Variants in FOXN3 observed in about 807,000 individuals in gnomAD.
FOXN3 encodes the protein forkhead box N3.
FOXN3 carries 7 observed loss-of-function variants against 38.4 expected under a neutral mutation model. The ratio of observed to expected loss-of-function variants is 0.18; its 90% CI spans 0.10 to 0.34. The LOEUF is 0.34. FOXN3 is among the 10% of genes least tolerant of loss of function. The probability of loss-of-function intolerance (pLI) is 1.00; values close to 1 mark genes in which losing one functional copy is unlikely to be tolerated. For synonymous variants in FOXN3, 230 were observed against 242.2 expected, an observed-to-expected ratio of 0.95 and a Z score of 0.47; for missense variants, 456 against 613.4, an observed-to-expected ratio of 0.74 and a Z score of 2.71.
chr14:89,512,362 C>T (rs1474249250), intron 1 of FOXN3, among the ~76,000 whole-genome samples: 2 of 152,176 alleles, frequency 1.3e-5, no homozygotes, highest in South Asian at 2.1e-4. Context: ...TATAGAAAGA[C>T]GTGAAAACCA....
chr14:89,411,872 G>C, intron 2 of FOXN3, 62 bp downstream of exon 2: 1 of 1,118,834 alleles, frequency 8.9e-7, no homozygotes, highest in East Asian at 2.9e-5. Context: ...ATTTTTAATA[G>C]AGAAAAATTT....
Position 89,180,743 on chromosome 14 carries a change from C to T in FOXN3, c.809G>A (p.Arg270Gln), listed in dbSNP as rs149077517. The change falls in exon 5 of 6, where the codon CGG becomes CAG. Residue 270 changes from arginine (R) to glutamine (Q), a missense_variant. By Grantham distance (43) the Arg-to-Gln change is conservative. Around this residue, in one of 3 missense-constraint regions of FOXN3, gnomAD observed 386 missense variants for 505.2 expected, o/e 0.76. Transcript: ENST00000557258. ...CCCAATGGGAGTGATTGGCAGCGGC[C>T]GCACGCCAGGAAACAGCCCTCGGCT... ...VLSRGLFPGVRPLPITPIGVT... is the reference protein window; with the variant it reads ...VLSRGLFPGVQPLPITPIGVT... The T allele has an allele frequency of 2.0e-4, 327 of 1,612,156 alleles. 1 individual carries two copies. Among genetic ancestry groups the T allele is most frequent in the Non-Finnish European group, 2.5e-4 (291 of 1,179,284 alleles).
intron 4 of FOXN3, among the ~76,000 whole-genome samples, chr14:89,237,840 A>G (rs540400064): frequency 6.6e-6 from 1 of 152,306 alleles, no homozygotes; most frequent in South Asian, 2.1e-4. Context: ...ACATTGCATT[A>G]TATTATATGA....
intron 1 of FOXN3, among the ~76,000 whole-genome samples, chr14:89,552,535 C>G (rs1338433153): frequency 2.6e-5 from 4 of 152,164 alleles, no homozygotes; most frequent in Non-Finnish European, 4.4e-5. Context: ...GAGGGTGTCT[C>G]CACATGGTTG....
At chr14:89,538,907 G>A (rs1287699564) in intron 1 of FOXN3, among the ~76,000 whole-genome samples, 5 of 151,620 alleles carry the variant, frequency 3.3e-5, no homozygotes, top group Admixed American at 6.6e-5. Flanking sequence ...GCAGTGGTGC[G>A]ATCTCCGCTC....
intron 1 of FOXN3, among the ~76,000 whole-genome samples, chr14:89,563,751 G>A (rs1305342418): frequency 6.6e-6 from 1 of 152,112 alleles, no homozygotes; most frequent in Non-Finnish European, 1.5e-5. Context: ...AGGTCAATGG[G>A]GCAATTGCAG....
chr14:89,599,166 T>A (rs979494405), intron 1 of FOXN3, among the ~76,000 whole-genome samples: 2 of 152,232 alleles, frequency 1.3e-5, no homozygotes, highest in African/African-American at 2.4e-5. Context: ...AACTCTCTCC[T>A]CAATTGCATC....
intron 4 of FOXN3, among the ~76,000 whole-genome samples, chr14:89,220,098 CCTTT>C (rs1413364602): frequency 6.6e-6 from 1 of 152,234 alleles, no homozygotes; most frequent in African/African-American, 2.4e-5. Context: ...CCTTCCTCCT[CCTTT>C]CTTCTCATCA....
At chr14:89,341,042 T>C (rs913858874) in intron 3 of FOXN3, among the ~76,000 whole-genome samples, 6 of 152,132 alleles carry the variant, frequency 3.9e-5, no homozygotes, top group Non-Finnish European at 7.4e-5. Context: ...TCGACTGTCA[T>C]GGCAGCCCAA....
intron 4 of FOXN3, among the ~76,000 whole-genome samples, chr14:89,204,038 C>T (rs1039927967): frequency 8.2e-5 from 12 of 145,850 alleles, no homozygotes; most frequent in African/African-American, 3.0e-4. Context: ...CCGGTATAAC[C>T]AGGCATACTC....
intron 3 of FOXN3, among the ~76,000 whole-genome samples, chr14:89,289,961 T>TC (rs1350510005): frequency 6.6e-6 from 1 of 152,220 alleles, no homozygotes. Flanking sequence ...TTCTTTTTTT[T>TC]CCCTTTAAAT....
At chr14:89,571,302 A>C (rs1258895079) in intron 1 of FOXN3, among the ~76,000 whole-genome samples, 4 of 152,128 alleles carry the variant, frequency 2.6e-5, no homozygotes, top group Admixed American at 6.5e-5. Flanking sequence ...TGAGGTCAGG[A>C]GTTTGAGACC....
rs10467745 is a variant in FOXN3, at chr14:89,305,694, T to C, written c.681-24680A>G. ...AGACCCACTGCTAAATCTAGACTAATTATAAAAGGAGACAAATATTTAAAA... is the reference window on the plus strand; with the variant it reads ...AGACCCACTGCTAAATCTAGACTAACTATAAAAGGAGACAAATATTTAAAA... On this transcript the variant is annotated intron_variant, in intron 3 of 5. Coordinates refer to ENST00000557258, the MANE Select transcript of FOXN3 (RefSeq NM_005197.4). Among the ~76,000 whole-genome samples the C allele has an allele frequency of 2.7e-3, 404 of 152,308 alleles. 3 individuals carry two copies. Among genetic ancestry groups the C allele is most frequent in the African/African-American group, 9.0e-3 (375 of 41,560 alleles).
upstream of FOXN3, among the ~76,000 whole-genome samples, chr14:89,418,423 C>A (rs1289075353): frequency 3.9e-5 from 5 of 127,626 alleles, no homozygotes; most frequent in African/African-American, 8.8e-5. Context: ...CCCCCCCCCC[C>A]CAATCTGAGA....
chr14:89,386,953 C>T (rs755950551), intron 2 of FOXN3, among the ~76,000 whole-genome samples: 3 of 152,156 alleles, frequency 2.0e-5, no homozygotes, highest in Non-Finnish European at 4.4e-5. Flanking sequence ...AGGGTTTGCG[C>T]TTCAACATAT....
intron 4 of FOXN3, among the ~76,000 whole-genome samples, chr14:89,182,283 G>A (rs960502235): frequency 7.9e-5 from 12 of 152,112 alleles, no homozygotes; most frequent in Non-Finnish European, 1.5e-4. Context: ...ATTGAATACG[G>A]GGTAATTTTA....
Position 89,176,596 on chromosome 14 carries a change from T to G in FOXN3, c.851+4105A>C, listed in dbSNP as rs942594972. Among the ~76,000 whole-genome samples, 21 of 152,354 alleles carry G rather than the reference T, an allele frequency of 1.4e-4. 1 individual carries two copies. The highest frequency in any genetic ancestry group is 1.2e-3 in the Admixed American group (19 of 15,302). On this transcript the variant is annotated intron_variant, in intron 5 of 5. Coordinates refer to ENST00000557258, the MANE Select transcript of FOXN3 (RefSeq NM_005197.4). ...GTGGTCTGGGAGATAACATTCTGTGTTGTTCTAGTCTCCACTGCACTGCTT... is the reference window on the plus strand; with the variant it reads ...GTGGTCTGGGAGATAACATTCTGTGGTGTTCTAGTCTCCACTGCACTGCTT...
At chr14:89,251,152 T>C (rs1384451725) in intron 4 of FOXN3, among the ~76,000 whole-genome samples, 2 of 152,228 alleles carry the variant, frequency 1.3e-5, no homozygotes, top group African/African-American at 2.4e-5. Context: ...ATGCCCCTAC[T>C]TGTGAGCCAC....
At chr14:89,497,587 G>A (rs1893712594) in intron 1 of FOXN3, among the ~76,000 whole-genome samples, 2 of 151,714 alleles carry the variant, frequency 1.3e-5, no homozygotes, top group Non-Finnish European at 2.9e-5. Flanking sequence ...TGTATTTTTA[G>A]TAGAGACGGG....
Sources: gnomAD v4.1 joint callset for allele counts (sites outside exome capture counted in the v4.1 genomes callset) on GRCh38, gnomAD v4.1.1 for gene constraint, gnomAD v4.1.1 regional missense constraint, MANE v1.5 for transcripts, NCBI Gene and HGNC (gene_info 2026-07-23, HGNC 2026-07-21) for gene names.